ZNG1A: variants seen among roughly 807,000 people sequenced by gnomAD.
The protein encoded by ZNG1A is zinc-regulated GTPase metalloprotein activator 1A.
At chr9:162,620 T>C in the ZNG1A span, 14 of 579,362 alleles carry the variant, frequency 2.4e-5, no homozygotes, top group Non-Finnish European at 4.2e-5. Context: ...CTCTTGCCAG[T>C]GCTGCCATTT....
At chr9:175,617 TA>T in the ZNG1A span, 1 of 1,542,722 alleles carries the variant, frequency 6.5e-7, no homozygotes, top group African/African-American at 1.4e-5. Context: ...TTTTCATTTT[TA>T]AATATGGAAT....
chr9:169,978 A>C, the ZNG1A span, among the ~76,000 whole-genome samples: 2 of 143,134 alleles, frequency 1.4e-5, no homozygotes, highest in Non-Finnish European at 3.0e-5. Flanking sequence ...GATCCTCCCA[A>C]GTAGCTGGGA....
chr9:178,583 G>A, the ZNG1A span, among the ~76,000 whole-genome samples: 2 of 110,022 alleles, frequency 1.8e-5, no homozygotes, highest in Non-Finnish European at 4.5e-5. Context: ...TGCTTCAAAG[G>A]CTAACTTTCC....
At chr9:163,429 T>A in the ZNG1A span, among the ~76,000 whole-genome samples, 2 of 152,066 alleles carry the variant, frequency 1.3e-5, no homozygotes, top group Non-Finnish European at 2.9e-5. Context: ...TTTTTTTTTT[T>A]AAAGAAAACC....
the ZNG1A span, among the ~76,000 whole-genome samples, chr9:152,294 T>C: frequency 1.0e-3 from 155 of 152,258 alleles, 1 homozygote; most frequent in Non-Finnish European, 1.9e-3. Context: ...ACTCATACAT[T>C]AATAAAACAT....
chr9:143,061 C>T, the ZNG1A span, among the ~76,000 whole-genome samples: 1 of 146,558 alleles, frequency 6.8e-6, no homozygotes, highest in Non-Finnish European at 1.5e-5. Flanking sequence ...AATAGCTTAC[C>T]AACCAAAAAG....
the ZNG1A span, among the ~76,000 whole-genome samples, chr9:168,908 C>T: frequency 8.6e-5 from 13 of 152,040 alleles, no homozygotes; most frequent in East Asian, 5.8e-4. Flanking sequence ...TCATTGACAA[C>T]GCACCTGATC....
At chr9:139,175 A>T in the ZNG1A span, among the ~76,000 whole-genome samples, 1 of 149,956 alleles carries the variant, frequency 6.7e-6, no homozygotes, top group African/African-American at 2.5e-5. Context: ...AGAAAATGGA[A>T]TATTATTCAG....
At chr9:133,878 C>T in the ZNG1A span, among the ~76,000 whole-genome samples, 2 of 151,268 alleles carry the variant, frequency 1.3e-5, 1 homozygote, top group South Asian at 4.2e-4. Flanking sequence ...AAGCAAACTG[C>T]AAGGCATCGT....
chr9:139,231 T>G, the ZNG1A span, among the ~76,000 whole-genome samples: 1 of 149,718 alleles, frequency 6.7e-6, no homozygotes, highest in Non-Finnish European at 1.5e-5. Flanking sequence ...GGATGAACCT[T>G]GATGACTTTA....
the ZNG1A span, among the ~76,000 whole-genome samples, chr9:129,064 C>T: frequency 7.9e-5 from 12 of 151,092 alleles, no homozygotes; most frequent in African/African-American, 2.4e-4. Flanking sequence ...GATACCAGCA[C>T]CTGTTCCAGT....
the ZNG1A span, chr9:154,318 T>C: frequency 3.2e-6 from 1 of 308,742 alleles, no homozygotes; most frequent in African/African-American, 2.2e-5. Flanking sequence ...AAGAAAGAAC[T>C]CAGGGATTGG....
chr9:127,596 G>T, the ZNG1A span, among the ~76,000 whole-genome samples: 19 of 152,330 alleles, frequency 1.2e-4, no homozygotes, highest in South Asian at 2.1e-3. Context: ...GACTCTTGAA[G>T]GCAACAGATA....
chr9:177,612 A>C, the ZNG1A span: 6 of 1,523,518 alleles, frequency 3.9e-6, no homozygotes, highest in Non-Finnish European at 5.3e-6. Flanking sequence ...CAAAAAGGGA[A>C]AATGGTCAGG....
the ZNG1A span, chr9:172,354 A>G: frequency 1.6e-6 from 1 of 637,556 alleles, no homozygotes; most frequent in Non-Finnish European, 2.7e-6. Context: ...AGAAAACAAT[A>G]GATGCATATA....
the ZNG1A span, among the ~76,000 whole-genome samples, chr9:155,829 C>T: frequency 1.3e-5 from 2 of 150,554 alleles, no homozygotes; most frequent in Non-Finnish European, 3.0e-5. Context: ...TTCAGCCAGG[C>T]ACAGTGGATT....
At chr9:160,517 T>C in the ZNG1A span, among the ~76,000 whole-genome samples, 1 of 151,784 alleles carries the variant, frequency 6.6e-6, no homozygotes, top group East Asian at 1.9e-4. Flanking sequence ...GTAGGTATAT[T>C]GATTTAATAA....
chr9:141,585 T>G, the ZNG1A span, among the ~76,000 whole-genome samples: 2 of 151,280 alleles, frequency 1.3e-5, no homozygotes, highest in Non-Finnish European at 2.9e-5. Context: ...CGCTGCAGAA[T>G]CATGCCAAAA....
chr9:134,914 T>C, the ZNG1A span: 2 of 775,706 alleles, frequency 2.6e-6, no homozygotes, highest in South Asian at 1.8e-5. Context: ...ACATAGCCTA[T>C]CTAGTTAAAG....
Sources: allele counts gnomAD v4.1 joint callset (sites outside exome capture counted in the v4.1 genomes callset), GRCh38; gene constraint gnomAD v4.1.1; transcripts MANE v1.5; gene names NCBI Gene and HGNC (gene_info 2026-07-23, HGNC 2026-07-21).